LARGE1: variants seen among roughly 807,000 people sequenced by gnomAD.
The protein encoded by LARGE1 is xylosyl- and glucuronyltransferase LARGE1.
In LARGE1, 43 loss-of-function variants were observed where a neutral mutation model predicts 87.6. That is an observed-to-expected ratio of 0.49 (90% CI 0.38 to 0.63). The LOEUF is 0.63. Among genes scored for constraint, LARGE1 ranks in the 30% least tolerant of loss-of-function variants. The probability of loss-of-function intolerance (pLI) is 0.00; values close to 1 mark genes in which losing one functional copy is unlikely to be tolerated. For missense variants in LARGE1, 802 were observed against 1,000.2 expected (o/e 0.80, Z 2.67); for synonymous variants, 434 against 394.6 (o/e 1.10, Z -1.18).
intron 6 of LARGE1, among the ~76,000 whole-genome samples, chr22:33,435,429 G>A (rs1438942064): frequency 6.6e-6 from 1 of 152,290 alleles, no homozygotes; most frequent in Middle Eastern, 3.4e-3. Context: ...GATACTACAA[G>A]GTGTAGTACT....
intron 6 of LARGE1, among the ~76,000 whole-genome samples, chr22:33,557,312 G>A (rs1449871720): frequency 7.9e-5 from 12 of 152,156 alleles, no homozygotes; most frequent in Admixed American, 7.2e-4. Context: ...TGTACATCTT[G>A]GCTGGACCAA....
chr22:33,237,114 T>G (rs1388869678), intron 11 of LARGE1, among the ~76,000 whole-genome samples: 2 of 152,218 alleles, frequency 1.3e-5, no homozygotes, highest in African/African-American at 2.4e-5. Flanking sequence ...CAGCTTGGTC[T>G]GAATTTCTTC....
At chr22:33,087,312 A>G in the LARGE1 span, among the ~76,000 whole-genome samples, 1 of 152,060 alleles carries the variant, frequency 6.6e-6, no homozygotes, top group Non-Finnish European at 1.5e-5. Flanking sequence ...TCTTCAATTT[A>G]ATTACCAATT....
intron 11 of LARGE1, among the ~76,000 whole-genome samples, chr22:33,242,096 A>T (rs1261412497): frequency 2.0e-5 from 3 of 152,252 alleles, no homozygotes; most frequent in Non-Finnish European, 4.4e-5. Context: ...ATATCAAAAC[A>T]TCACATTGTG....
At chr22:33,713,972 G>GTAACATAACATAACA (rs796663388) in intron 2 of LARGE1, among the ~76,000 whole-genome samples, 6 of 119,766 alleles carry the variant, frequency 5.0e-5, no homozygotes, top group South Asian at 2.6e-4. Context: ...AGTAAATAAC[G>GTAACATAACATAACA]TAACATAACG....
At chr22:33,908,402 A>G (rs1216767194) in intron 1 of LARGE1, among the ~76,000 whole-genome samples, 1 of 152,162 alleles carries the variant, frequency 6.6e-6, no homozygotes, top group African/African-American at 2.4e-5. Context: ...TCTGAAGGAA[A>G]AACACAAGTG....
intron 6 of LARGE1, among the ~76,000 whole-genome samples, chr22:33,520,098 G>A (rs1307745592): frequency 1.4e-5 from 2 of 147,088 alleles, no homozygotes; most frequent in African/African-American, 5.1e-5. Context: ...TGGATCTCCT[G>A]AGCTCAAGCA....
intron 1 of LARGE1, among the ~76,000 whole-genome samples, chr22:33,814,057 T>C (rs2086578028): frequency 6.6e-6 from 1 of 152,174 alleles, no homozygotes. Context: ...AAGAAAGACA[T>C]GCTGAGGCCA....
intron 6 of LARGE1, among the ~76,000 whole-genome samples, chr22:33,441,988 A>G (rs1009700847): frequency 1.3e-5 from 2 of 151,972 alleles, no homozygotes; most frequent in Non-Finnish European, 2.9e-5. Context: ...CCCTCCTTTC[A>G]CTTGGAAAAA....
At chr22:33,371,910 G>A (rs997525142) in intron 9 of LARGE1, among the ~76,000 whole-genome samples, 8 of 151,910 alleles carry the variant, frequency 5.3e-5, no homozygotes, top group Non-Finnish European at 1.0e-4. Flanking sequence ...TGTGAATGTG[G>A]GAGGCAGAGC....
the LARGE1 span, among the ~76,000 whole-genome samples, chr22:33,074,198 C>G: frequency 1.3e-5 from 2 of 152,104 alleles, no homozygotes; most frequent in Non-Finnish European, 2.9e-5. Context: ...TCTTTATGGC[C>G]AGGATCACCT....
intron 9 of LARGE1, among the ~76,000 whole-genome samples, chr22:33,343,966 T>C (rs991288590): frequency 2.0e-5 from 3 of 152,176 alleles, no homozygotes; most frequent in Admixed American, 6.5e-5. Flanking sequence ...CTGAGTCTGA[T>C]GTTTGAGGGC....
chr22:33,513,843 ACACG>A lies in LARGE1; in HGVS notation c.787+51001_787+51004del, dbSNP rs1195848622. Among the ~76,000 whole-genome samples the A allele has an allele frequency of 1.9e-4, 29 of 151,770 alleles. 1 individual carries two copies. The East Asian group carries it at 5.1e-3, about 26-fold the overall frequency. On this transcript the variant is annotated intron_variant, in intron 6 of 14. Coordinates refer to ENST00000397394, the MANE Select transcript of LARGE1 (RefSeq NM_133642.5). ...CACACACACACACACACACACACAC[ACACG>A]AGTCATGTGCCACATAATGATGTTT...
chr22:33,171,832 C>G (rs1050539138), intron 11 of LARGE1, among the ~76,000 whole-genome samples: 10 of 152,286 alleles, frequency 6.6e-5, no homozygotes, highest in Admixed American at 5.2e-4. Context: ...GGGTTGGAGT[C>G]CCCACACAGA....
At chr22:33,481,685 T>C (rs1001079431) in intron 6 of LARGE1, among the ~76,000 whole-genome samples, 2 of 152,134 alleles carry the variant, frequency 1.3e-5, no homozygotes, top group African/African-American at 4.8e-5. Flanking sequence ...AAGGTGGATA[T>C]TCCCCGGGTA....
chr22:33,864,225 A>G lies in LARGE1; in HGVS notation c.-83+55770T>C, dbSNP rs572588416. Reference sequence around the variant, plus strand: ...TTGTAGGTTTAAGGGGCTCTCATTTACTTCAATAATCCTGGAGCCCCCATC... The same window carrying G: ...TTGTAGGTTTAAGGGGCTCTCATTTGCTTCAATAATCCTGGAGCCCCCATC... On this transcript the variant is annotated intron_variant, in intron 1 of 14. Coordinates refer to ENST00000397394, the MANE Select transcript of LARGE1 (RefSeq NM_133642.5). Among the ~76,000 whole-genome samples, 3 of 152,286 alleles carry G rather than the reference A, an allele frequency of 2.0e-5. No individual in the cohort carries two copies. The East Asian group carries it at 5.8e-4, about 29-fold the overall frequency.
chr22:33,337,507 T>C (rs1230741728), intron 10 of LARGE1, 139 bp downstream of exon 10: 3 of 940,278 alleles, frequency 3.2e-6, no homozygotes, highest in South Asian at 2.9e-5. Context: ...CCCGACTAGA[T>C]GGTGGACCCT....
chr22:33,893,767 C>T (rs769966210), intron 1 of LARGE1, among the ~76,000 whole-genome samples: 2 of 152,184 alleles, frequency 1.3e-5, no homozygotes, highest in Non-Finnish European at 2.9e-5. Flanking sequence ...TCTAATCCCT[C>T]TCATCAAGCG....
At chr22:33,491,765 A>C (rs538519059) in intron 6 of LARGE1, among the ~76,000 whole-genome samples, 1 of 152,366 alleles carries the variant, frequency 6.6e-6, no homozygotes, top group Admixed American at 6.5e-5. Flanking sequence ...TGAATTTATC[A>C]GTCTTGAAGG....
Sources: gnomAD v4.1 joint callset for allele counts (sites outside exome capture counted in the v4.1 genomes callset) on GRCh38, gnomAD v4.1.1 for gene constraint, MANE v1.5 for transcripts, NCBI Gene and HGNC (gene_info 2026-07-23, HGNC 2026-07-21) for gene names.